The following MRTFB variants were observed in gnomAD, a reference collection of about 807,000 sequenced individuals.
MRTFB encodes myocardin related transcription factor B, also known as myocardin-related transcription factor B.
A neutral mutation model predicts 104.2 loss-of-function variants in MRTFB; 29 were observed. The observed-to-expected ratio is 0.28, with a 90% CI of 0.21 to 0.38. MRTFB has a LOEUF of 0.38. Ranked by LOEUF, MRTFB falls within the 10% of genes least tolerant of loss-of-function variation. MRTFB has a pLI of 1.00. For synonymous variants in MRTFB, 535 were observed against 519.5 expected (o/e 1.03, Z -0.41); for missense variants, 1,270 against 1,341.6 (o/e 0.95, Z 0.83).
the MRTFB span, among the ~76,000 whole-genome samples, chr16:14,050,807 C>T: frequency 6.6e-5 from 10 of 151,984 alleles, no homozygotes; most frequent in East Asian, 1.9e-4. Flanking sequence ...AGAATGGGGG[C>T]GGGTCTCCCT....
chr16:14,128,358 G>T (rs897505226), intron 2 of MRTFB, among the ~76,000 whole-genome samples: 1 of 152,072 alleles, frequency 6.6e-6, no homozygotes. Flanking sequence ...TCGTGGTCTC[G>T]ACCAGTTGGA....
At chr16:14,174,371 A>G (rs1230925821) in intron 3 of MRTFB, among the ~76,000 whole-genome samples, 1 of 152,128 alleles carries the variant, frequency 6.6e-6, no homozygotes, top group African/African-American at 2.4e-5. Context: ...TTTTGATTAT[A>G]TAGCTTTTAG....
the MRTFB span, among the ~76,000 whole-genome samples, chr16:14,043,213 G>C: frequency 6.6e-6 from 1 of 152,134 alleles, no homozygotes; most frequent in African/African-American, 2.4e-5. Context: ...TCTTATGTCT[G>C]CTCACCTCTG....
chr16:14,079,179 G>C, intron 1 of MRTFB, 111 bp from the exon 2 acceptor site: 1 of 304,820 alleles, frequency 3.3e-6, no homozygotes, highest in Non-Finnish European at 6.0e-6. Flanking sequence ...TAATAACTTC[G>C]ATTTTGTTAT....
At chr16:14,043,483 T>C in the MRTFB span, among the ~76,000 whole-genome samples, 1 of 152,122 alleles carries the variant, frequency 6.6e-6, no homozygotes, top group African/African-American at 2.4e-5. Context: ...GCTGCTAGCA[T>C]GTACTCTTTC....
At chr16:14,188,192 C>T (rs750417098) in intron 3 of MRTFB, among the ~76,000 whole-genome samples, 1 of 152,132 alleles carries the variant, frequency 6.6e-6, no homozygotes, top group Non-Finnish European at 1.5e-5. Context: ...TTGTGCACGG[C>T]ATGTCTTACT....
chr16:14,085,762 A>G (rs963212060), intron 2 of MRTFB, among the ~76,000 whole-genome samples: 3 of 152,224 alleles, frequency 2.0e-5, no homozygotes, highest in African/African-American at 7.2e-5. Context: ...TTTAATTTGG[A>G]TAAGAAAACT....
At chr16:14,078,171 T>G (rs907372777) in intron 1 of MRTFB, among the ~76,000 whole-genome samples, 3 of 152,172 alleles carry the variant, frequency 2.0e-5, no homozygotes, top group Non-Finnish European at 2.9e-5. Flanking sequence ...TGTCTCTGCA[T>G]GTAGCTTGTC....
intron 3 of MRTFB, chr16:14,192,040 T>A (rs575963314): frequency 6.6e-6 from 1 of 152,320 alleles, no homozygotes; most frequent in Admixed American, 6.5e-5. Context: ...TTCTACTAAT[T>A]AAAAGTGTTG....
intron 8 of MRTFB, among the ~76,000 whole-genome samples, chr16:14,219,223 T>C (rs1268717472): frequency 2.0e-5 from 3 of 152,168 alleles, no homozygotes; most frequent in Non-Finnish European, 2.9e-5. Context: ...TCTTGGAGAG[T>C]TGAATGTTTT....
chr16:14,192,570 G>A (rs2040234128), intron 3 of MRTFB, among the ~76,000 whole-genome samples: 1 of 152,126 alleles, frequency 6.6e-6, no homozygotes, highest in African/African-American at 2.4e-5. Flanking sequence ...CACAATGCCA[G>A]TTATGTTAAA....
At chr16:14,082,160 T>G (rs2034450685) in intron 2 of MRTFB, among the ~76,000 whole-genome samples, 1 of 152,266 alleles carries the variant, frequency 6.6e-6, no homozygotes, top group South Asian at 2.1e-4. Context: ...TCCTAGGAGC[T>G]TAATGTTTTC....
the MRTFB span, among the ~76,000 whole-genome samples, chr16:14,062,855 C>T: frequency 5.3e-5 from 8 of 152,188 alleles, no homozygotes; most frequent in Non-Finnish European, 1.0e-4. Context: ...TTAGCCGCTG[C>T]TGCCGTCAGC....
At chr16:14,037,860 T>C in the MRTFB span, among the ~76,000 whole-genome samples, 2 of 152,230 alleles carry the variant, frequency 1.3e-5, no homozygotes, top group African/African-American at 4.8e-5. Flanking sequence ...CTCTCACTTT[T>C]TGGAACTCCA....
the MRTFB span, among the ~76,000 whole-genome samples, chr16:14,024,237 A>T: frequency 6.6e-6 from 1 of 152,182 alleles, no homozygotes. Flanking sequence ...TCTGAGCTTC[A>T]TCAGAGCTAT....
At position 14,127,929 on chromosome 16, in the gene MRTFB, A is replaced by ATTT. The variant is rs67001306; in HGVS notation, c.-63-12595_-63-12593dup. On this transcript the variant is annotated intron_variant, in intron 2 of 16. Transcript: ENST00000571589. ...TATATATATATATATATATATATAT[A>ATTT]TTTTTTTTTTTTTTTTTTTTTTCTT... 1.4e-3 allele frequency among the ~76,000 whole-genome samples: 61 copies of ATTT among 44,580 alleles called. 1 individual carries two copies. Among genetic ancestry groups the ATTT allele is most frequent in the South Asian group, 5.9e-3 (6 of 1,010 alleles). The allele number at this position is 44,580 out of a possible 152,430, so 29.2% of individuals were successfully genotyped here. A position where few individuals can be genotyped will look rare whatever the true frequency, so the allele number is the denominator to read the frequency against.
the MRTFB span, among the ~76,000 whole-genome samples, chr16:13,997,421 G>A: frequency 6.6e-6 from 1 of 152,162 alleles, no homozygotes; most frequent in East Asian, 1.9e-4. Context: ...TTTATGCCCA[G>A]TGTTTTGTAG....
chr16:14,200,433 C>G, intron 3 of MRTFB: 3 of 1,609,292 alleles, frequency 1.9e-6, no homozygotes, highest in Non-Finnish European at 2.6e-6. Context: ...ACTAATAGAC[C>G]AAGAAAAGTC....
In MRTFB at chr16:14,264,657, T is replaced by C. The variant is rs2043885079; in HGVS notation, c.*3213T>C. ...TTTTAAAAGCCGCATGGTTCTGTGA[T>C]CCATGTAACTGACACTTTTTGGCTT... On this transcript the variant is annotated 3_prime_UTR_variant, in exon 17 of 17. Coordinates refer to ENST00000571589, the MANE Select transcript of MRTFB (RefSeq NM_001308142.2). The C allele has an allele frequency of 6.6e-6, 1 of 152,256 alleles. No individual in the cohort carries two copies. The highest frequency in any genetic ancestry group is 1.5e-5 in the Non-Finnish European group (1 of 68,046). 9.4% of individuals were successfully genotyped at this position (152,256 alleles called of 1,614,324 possible).
Sources: gnomAD v4.1 joint callset for allele counts (sites outside exome capture counted in the v4.1 genomes callset) on GRCh38, gnomAD v4.1.1 for gene constraint, MANE v1.5 for transcripts, NCBI Gene and HGNC (gene_info 2026-07-23, HGNC 2026-07-21) for gene names.